Variants in LAMA3 observed in about 807,000 individuals in gnomAD.
LAMA3 encodes the protein laminin subunit alpha 3.
Under a neutral mutation model 402.0 loss-of-function variants are expected in LAMA3, and 281 were observed. The ratio of observed to expected loss-of-function variants is 0.70; its 90% CI spans 0.63 to 0.77. The LOEUF is 0.77. LAMA3 is among the 30% of genes least tolerant of loss of function. The pLI, the probability that LAMA3 is intolerant of heterozygous loss-of-function variation, is 0.00. For missense variants in LAMA3, 3,840 were observed against 4,215.5 expected, an observed-to-expected ratio of 0.91 and a Z score of 2.47; for synonymous variants, 1,431 against 1,558.4, an observed-to-expected ratio of 0.92 and a Z score of 1.93.
At chr18:23,856,093 A>G (rs2144699272) in intron 32 of LAMA3, among the ~76,000 whole-genome samples, 1 of 152,340 alleles carries the variant, frequency 6.6e-6, no homozygotes, top group East Asian at 1.9e-4. Flanking sequence ...CTCCATTTTT[A>G]CAGATGAAGA....
intron 12 of LAMA3, among the ~76,000 whole-genome samples, chr18:23,793,548 A>G (rs2062703421): frequency 1.3e-5 from 2 of 152,026 alleles, no homozygotes; most frequent in South Asian, 2.1e-4. Context: ...GAGGCCCTAG[A>G]CAGCATCCTT....
In LAMA3 at chr18:23,733,893, C is replaced by G. The variant is rs575473011; in HGVS notation, c.448-14050C>G. Among the ~76,000 whole-genome samples, 26 of 152,312 alleles carry G rather than the reference C, an allele frequency of 1.7e-4. No individual in the cohort carries two copies. The South Asian group carries it at 4.6e-3, about 27-fold the overall frequency. On this transcript the variant is annotated intron_variant, in intron 2 of 74. Transcript: ENST00000313654. ...TTCCTGCTGATCTACCGAATTTGAG[C>G]TCTCTGAATTTCTACTGAATTAGAA...
Position 23,753,771 on chromosome 18 carries a change from T to C in LAMA3, c.906T>C (p.Asn302=). 1 of 1,614,058 alleles carries C rather than the reference T, an allele frequency of 6.2e-7. No homozygotes were observed. Among genetic ancestry groups the C allele is most frequent in the Non-Finnish European group, 8.5e-7 (1 of 1,179,914 alleles). ...GCATTGGTGGGCAGTGTGTTTGCAA[T>C]GGCCATGCTGAAGTGTGCAATATAA... ...DISIGGQCVC[N]GHAEVCNINN... The change falls in exon 6 of 75, where the codon AAT becomes AAC. Residue 302 remains asparagine, a synonymous_variant. Coordinates refer to ENST00000313654, the MANE Select transcript of LAMA3 (RefSeq NM_198129.4).
rs146027333 is a variant in LAMA3 at position 23,951,725 on chromosome 18, G to A, written c.9684G>A (p.Thr3228=). ...ACAGTGGGGCAGGTGGGACCTCAAC[G>A]TCGGTCACACCAAAGCAGTCTCTGT... ...SMDSGAGGTS[T]SVTPKQSLCD... is the part of the protein sequence containing the mutation. The change falls in exon 73 of 75, where the codon ACG becomes ACA. Residue 3228 remains threonine (T), a synonymous_variant. Transcript: ENST00000313654. 8.7e-6 allele frequency: 14 copies of A among 1,613,992 alleles called. No individual in the cohort carries two copies. The highest frequency in any genetic ancestry group is 4.0e-5 in the African/African-American group (3 of 75,010).
intron 41 of LAMA3, among the ~76,000 whole-genome samples, chr18:23,888,677 T>C (rs2080526825): frequency 6.6e-6 from 1 of 152,224 alleles, no homozygotes; most frequent in Non-Finnish European, 1.5e-5. Context: ...GTATCCATGG[T>C]AATACATTGG....
At position 23,827,429 on chromosome 18, in the gene LAMA3, C is replaced by G. The variant is rs1010529395; in HGVS notation, c.2785C>G (p.Pro929Ala). The G allele has an allele frequency of 6.2e-7, 1 of 1,614,140 alleles. No homozygotes were observed. Among genetic ancestry groups the G allele is most frequent in the South Asian group, 1.1e-5 (1 of 91,066 alleles). ...ACCCGTGGCAGTGAGGCAGCCCACACCTGCACACCCTGTCATGGTGGACCT... is the reference window on the plus strand; with the variant it reads ...ACCCGTGGCAGTGAGGCAGCCCACAGCTGCACACCCTGTCATGGTGGACCT... The part of the protein sequence containing the change: ...PRPVAVRQPT[P>A]AHPVMVDLSG... The change falls in exon 23 of 75, where the codon CCT becomes GCT. Residue 929 changes from proline to alanine, a missense_variant. Around this residue, in one of 3 missense-constraint regions of LAMA3, gnomAD observed 2,109 missense variants for 2,376.0 expected, o/e 0.89. Transcript: ENST00000313654.
At chr18:23,875,011 G>A (rs970869236) in intron 38 of LAMA3, among the ~76,000 whole-genome samples, 2 of 152,162 alleles carry the variant, frequency 1.3e-5, no homozygotes, top group African/African-American at 2.4e-5. Context: ...CTATAGGCAT[G>A]TGCCACCATG....
intron 54 of LAMA3, among the ~76,000 whole-genome samples, chr18:23,908,533 C>CAAAAAAAAAAAAAA (rs111961159): frequency 1.8e-5 from 1 of 57,042 alleles, no homozygotes; most frequent in Non-Finnish European, 4.1e-5. Flanking sequence ...CCATCTCAAA[C>CAAAAAAAAAAAAAA]AAAAAAAAAA....
At chr18:23,692,259 C>T (rs1278291380) in intron 1 of LAMA3, among the ~76,000 whole-genome samples, 2 of 152,146 alleles carry the variant, frequency 1.3e-5, no homozygotes, top group Non-Finnish European at 2.9e-5. Flanking sequence ...AAAGGTATTA[C>T]GTTTTAATGT....
intron 11 of LAMA3, among the ~76,000 whole-genome samples, chr18:23,780,439 T>G (rs1201595200): frequency 1.3e-5 from 2 of 150,344 alleles, no homozygotes; most frequent in Admixed American, 6.6e-5. Context: ...AGTCTTGGAG[T>G]GTGAAGAGGA....
In LAMA3 at chr18:23,904,082, G is replaced by A; in HGVS notation, c.6468G>A (p.Leu2156=). The part of the protein sequence containing the change: ...ARSLQELAKQ[L]EEIKRNASGD... ...CCTTACAAGAGCTGGCAAAGCAGCT[G>A]GAAGAGTGAGTGCATGGCCCAGGAG... is the stretch of plus-strand genomic sequence containing the variant. The change falls in exon 50 of 75, where the codon CTG becomes CTA. Residue 2156 remains leucine, a synonymous_variant. Coordinates refer to ENST00000313654, the MANE Select transcript of LAMA3 (RefSeq NM_198129.4). 1.2e-6 allele frequency: 2 copies of A among 1,613,544 alleles called. No homozygotes were observed. Among genetic ancestry groups the A allele is most frequent in the Non-Finnish European group, 1.7e-6 (2 of 1,180,010 alleles).
chr18:23,762,847 AG>A (rs2061997618), intron 7 of LAMA3, among the ~76,000 whole-genome samples: 1 of 126,744 alleles, frequency 7.9e-6, no homozygotes, highest in Non-Finnish European at 1.5e-5. Context: ...CCTCCCAAGT[AG>A]TATATATATA....
chr18:23,847,551 G>A lies in LAMA3; in HGVS notation c.4019G>A (p.Cys1340Tyr). The change falls in exon 32 of 75, where the codon TGT (cysteine) becomes TAT (tyrosine). Residue 1340 changes from cysteine to tyrosine, a missense_variant. By Grantham distance (194) the Cys-to-Tyr change is radical. Around this residue, in one of 3 missense-constraint regions of LAMA3, gnomAD observed 2,109 missense variants for 2,376.0 expected, o/e 0.89. Transcript: ENST00000313654. Reference protein sequence around the residue: ...PRTVRPQCEVCETHSFSFHPM... With the variant: ...PRTVRPQCEVYETHSFSFHPM... The stretch of plus-strand genomic sequence containing the variant: ...ACGGTCAGGCCCCAGTGTGAGGTGT[G>A]TGAGACACACTCATTCAGCTTCCAC... 3 of 1,614,100 alleles carry A rather than the reference G, an allele frequency of 1.9e-6. No homozygotes were observed. Among genetic ancestry groups the A allele is most frequent in the East Asian group, 4.5e-5 (2 of 44,880 alleles).
Position 23,842,506 on chromosome 18 carries a change from G to A in LAMA3, c.3448G>A (p.Gly1150Arg), listed in dbSNP as rs745555297. The A allele has an allele frequency of 3.1e-6, 5 of 1,614,218 alleles. No homozygotes were observed. Among genetic ancestry groups the A allele is most frequent in the Admixed American group, 3.3e-5 (2 of 60,028 alleles). ...TCCCGCGCAGGTGTCGGTGGATGGCGGGTGGCCACGGGCAGGTGAGCTGCA... is the reference window on the plus strand; with the variant it reads ...TCCCGCGCAGGTGTCGGTGGATGGCAGGTGGCCACGGGCAGGTGAGCTGCA... Reference protein sequence around the residue: ...TFPAQVSVDGGWPRAGSFHAS... With the variant: ...TFPAQVSVDGRWPRAGSFHAS... The change falls in exon 28 of 75, where the codon GGG (glycine) becomes AGG (arginine). Residue 1150 changes from glycine (G) to arginine (R), a missense_variant. Gly to Arg is a moderately radical substitution (Grantham distance 125, BLOSUM62 -2). Around this residue, in one of 3 missense-constraint regions of LAMA3, gnomAD observed 2,109 missense variants for 2,376.0 expected, o/e 0.89. Transcript: ENST00000313654.
At chr18:23,829,010 C>T (rs1471217771) in intron 23 of LAMA3, among the ~76,000 whole-genome samples, 1 of 152,172 alleles carries the variant, frequency 6.6e-6, no homozygotes, top group African/African-American at 2.4e-5. Flanking sequence ...AAAAAGATAA[C>T]ATCTCCAGTG....
chr18:23,901,375 CA>C (rs754065656), intron 48 of LAMA3, 52 bp downstream of exon 48: 198 of 1,483,642 alleles, frequency 1.3e-4, no homozygotes, highest in Middle Eastern at 8.9e-4. Context: ...ATGAGAGAAG[CA>C]GGGATCTTTA....
Position 23,901,195 on chromosome 18 carries a change from C to A in LAMA3, c.6073C>A (p.Arg2025=), listed in dbSNP as rs370188105. The A allele has an allele frequency of 2.5e-6, 4 of 1,614,122 alleles. No individual in the cohort carries two copies. Among genetic ancestry groups the A allele is most frequent in the Non-Finnish European group, 2.5e-6 (3 of 1,180,008 alleles). ...GENNGLANSI[R]DSLNEYEAKL... is the part of the protein sequence containing the mutation. ...GAACAATGGGCTTGCTAACAGTATCCGGGATTCTTTAAATGAATACGAAGC... is the reference window on the plus strand; with the variant it reads ...GAACAATGGGCTTGCTAACAGTATCAGGGATTCTTTAAATGAATACGAAGC... The change falls in exon 48 of 75, where the codon CGG becomes AGG. Residue 2025 remains arginine, a synonymous_variant. Transcript: ENST00000313654.
At chr18:23,860,693 ATT>A (rs11395191) in intron 34 of LAMA3, among the ~76,000 whole-genome samples, 4 of 136,682 alleles carry the variant, frequency 2.9e-5, no homozygotes, top group Non-Finnish European at 1.5e-5. Flanking sequence ...TCAAAAAAAG[ATT>A]TTTTTTTTTT....
intron 12 of LAMA3, among the ~76,000 whole-genome samples, chr18:23,789,802 A>G (rs949027617): frequency 2.6e-5 from 4 of 152,212 alleles, no homozygotes; most frequent in South Asian, 2.1e-4. Context: ...TTACACTTCA[A>G]ATGAGTGAAT....
Sources: allele counts gnomAD v4.1 joint callset (sites outside exome capture counted in the v4.1 genomes callset), GRCh38; gene constraint gnomAD v4.1.1; regional missense constraint gnomAD v4.1.1; transcripts MANE v1.5; gene names NCBI Gene and HGNC (gene_info 2026-07-23, HGNC 2026-07-21).